The following PIMREG variants were observed in gnomAD, a reference collection of about 807,000 sequenced individuals.
The protein encoded by PIMREG is protein PIMREG.
A neutral mutation model predicts 24.3 loss-of-function variants in PIMREG; 19 were observed. The observed-to-expected ratio is 0.78, with a 90% CI of 0.54 to 1.15. The LOEUF is 1.15. Among genes scored for constraint, PIMREG ranks in the 50% most tolerant of loss-of-function variants. PIMREG has a pLI of 0.00. For missense variants in PIMREG, 283 were observed against 306.8 expected (o/e 0.92, Z 0.58); for synonymous variants, 112 against 124.1 (o/e 0.90, Z 0.65).
At chr17:6,448,266 G>A (rs538002250) in intron 3 of PIMREG, among the ~76,000 whole-genome samples, 54 of 81,474 alleles carry the variant, frequency 6.6e-4, no homozygotes, top group South Asian at 4.3e-4. Flanking sequence ...CAGGGCCACA[G>A]AGCCAGACCC....
At chr17:6,448,294 A>AAAAAAAAAT (rs1555549516) in intron 3 of PIMREG, among the ~76,000 whole-genome samples, 1 of 149,912 alleles carries the variant, frequency 6.7e-6, no homozygotes. Context: ...AAAAAAAAAA[A>AAAAAAAAAT]AAAAAAAAGA....
intron 3 of PIMREG, 113 bp downstream of exon 3, chr17:6,447,871 T>A (rs1597350639): frequency 1.7e-6 from 2 of 1,164,530 alleles, no homozygotes; most frequent in Middle Eastern, 2.9e-4. Context: ...TGGCACCCCC[T>A]GTGGCTACCT....
In PIMREG at chr17:6,445,281, AGCC is replaced by A; in HGVS notation, c.173_175del (p.Ala58del). On this transcript the variant is annotated inframe_deletion, in exon 2 of 6. Transcript: ENST00000572447. Reference sequence around the variant, plus strand: ...AGTTCCAAAGGAGGCTGCCCCTGAGAGCCGTCAACCTCAACCTCCGCGCAGGGC... The same window carrying A: ...AGTTCCAAAGGAGGCTGCCCCTGAGAGTCAACCTCAACCTCCGCGCAGGGC... The A allele has an allele frequency of 6.2e-7, 1 of 1,613,878 alleles. No individual in the cohort carries two copies. The highest frequency in any genetic ancestry group is 8.5e-7 in the Non-Finnish European group (1 of 1,179,954).
chr17:6,447,065 G>C (rs187688212), intron 2 of PIMREG, among the ~76,000 whole-genome samples: 1 of 151,744 alleles, frequency 6.6e-6, no homozygotes, highest in East Asian at 1.9e-4. Flanking sequence ...GGGGTTGCTT[G>C]TATGGTCTGG....
intron 5 of PIMREG, 67 bp from the exon 6 acceptor site, chr17:6,450,295 G>A: frequency 7.1e-7 from 1 of 1,399,962 alleles, no homozygotes. Flanking sequence ...ACCCCGCAGT[G>A]AGCAGGGAAA....
chr17:6,450,351 C>T lies in PIMREG; in HGVS notation c.*15-11C>T, dbSNP rs1368935775. 6.4e-7 allele frequency: 1 copy of T among 1,553,614 alleles called. No homozygotes were observed. Among genetic ancestry groups the T allele is most frequent in the African/African-American group, 1.4e-5 (1 of 73,878 alleles). ...CTTGAGCACAGTGAAAAAGGCAGCT[C>T]TGTCTTGAAGGAAACAAGCCCTGTC... On this transcript the variant is annotated splice_polypyrimidine_tract_variant and intron_variant, in intron 5 of 5. Coordinates refer to ENST00000572447, the MANE Select transcript of PIMREG (RefSeq NM_019013.3).
At chr17:6,447,855 G>T in intron 3 of PIMREG, 97 bp downstream of exon 3, 1 of 1,359,956 alleles carries the variant, frequency 7.4e-7, no homozygotes. Flanking sequence ...GGCCCTAGGG[G>T]TTTCTTGGCA....
rs967780821 is a variant in PIMREG at position 6,449,775 on chromosome 17, C to G, written c.687-253C>G. 3.5e-6 allele frequency: 5 copies of G among 1,412,448 alleles called. No individual in the cohort carries two copies. In the Admixed American group the frequency reaches 1.5e-4, roughly 41 times the overall value. 87.5% of individuals were successfully genotyped at this position (1,412,448 alleles called of 1,614,324 possible). A position where few individuals can be genotyped will look rare whatever the true frequency, so the allele number is the denominator to read the frequency against. ...AAAGCAACCTGACTGCTATGGAGTT[C>G]CTGGTCTGTCTGCTCATGGCCCCAT... On this transcript the variant is annotated intron_variant, in intron 4 of 5. Transcript: ENST00000572447.
intron 2 of PIMREG, among the ~76,000 whole-genome samples, chr17:6,446,389 G>A (rs185393896): frequency 6.8e-4 from 103 of 152,282 alleles, no homozygotes; most frequent in African/African-American, 2.3e-3. Flanking sequence ...GCTCTTTCTG[G>A]ACCCTCTGCA....
In PIMREG at chr17:6,450,674, C is replaced by T. The variant is rs1332780261; in HGVS notation, c.*327C>T. 4 of 457,118 alleles carry T rather than the reference C, an allele frequency of 8.8e-6. No individual in the cohort carries two copies. The highest frequency in any genetic ancestry group is 1.2e-5 in the Non-Finnish European group (3 of 259,766). The allele number at this position is 457,118 out of a possible 1,614,324, so 28.3% of individuals were successfully genotyped here. ...AGCCTTCTATTTGCCTCATCTATAA[C>T]ATGAAGTGCTAGCATCAGATATTTG... On this transcript the variant is annotated 3_prime_UTR_variant, in exon 6 of 6. Transcript: ENST00000572447.
In PIMREG at chr17:6,445,200, G is replaced by C. The variant is rs754516528; in HGVS notation, c.90G>C (p.Gln30His). 6.2e-7 allele frequency: 1 copy of C among 1,613,854 alleles called. No individual in the cohort carries two copies. The highest frequency in any genetic ancestry group is 8.5e-7 in the Non-Finnish European group (1 of 1,179,978). ...QEQLEDSKEL[Q>H]PVVSHQETSV... Reference sequence around the variant, plus strand: ...AGCTGGAGGACAGCAAGGAGCTGCAGCCTGTGGTCAGCCATCAGGAGACCT... The same window carrying C: ...AGCTGGAGGACAGCAAGGAGCTGCACCCTGTGGTCAGCCATCAGGAGACCT... The change falls in exon 2 of 6, where the codon CAG becomes CAC. Residue 30 changes from glutamine to histidine, a missense_variant. Coordinates refer to ENST00000572447, the MANE Select transcript of PIMREG (RefSeq NM_019013.3).
chr17:6,445,217 A>G lies in PIMREG; in HGVS notation c.107A>G (p.Gln36Arg). 1 of 1,613,772 alleles carries G rather than the reference A, an allele frequency of 6.2e-7. No homozygotes were observed. Among genetic ancestry groups the G allele is most frequent in the Middle Eastern group, 1.7e-4 (1 of 5,888 alleles). ...GAGCTGCAGCCTGTGGTCAGCCATC[A>G]GGAGACCTCTGTAGGGGCCCTGGGG... ...SKELQPVVSH[Q>R]ETSVGALGSL... Residue 36 changes from glutamine (Q) to arginine (R), a missense_variant, in exon 2 of 6, where the codon CAG becomes CGG. Transcript: ENST00000572447.
chr17:6,450,113 C>G, intron 5 of PIMREG, 41 bp downstream of exon 5: 1 of 1,596,980 alleles, frequency 6.3e-7, no homozygotes, highest in Non-Finnish European at 8.6e-7. Context: ...CTGTCCTTCT[C>G]CTCCATCTCA....
intron 2 of PIMREG, 36 bp from the exon 3 acceptor site, chr17:6,447,427 T>A: frequency 6.3e-7 from 1 of 1,593,294 alleles, no homozygotes; most frequent in South Asian, 1.1e-5. Context: ...AACTTTTGGT[T>A]TTGTCTGTGC....
At chr17:6,446,533 C>T (rs559136809) in intron 2 of PIMREG, among the ~76,000 whole-genome samples, 316 of 152,272 alleles carry the variant, frequency 2.1e-3, no homozygotes, top group South Asian at 3.7e-3. Flanking sequence ...TTGGGCTTCG[C>T]TCCAAACACT....
Position 6,445,229 on chromosome 17 carries a change from T to C in PIMREG, c.119T>C (p.Val40Ala), listed in dbSNP as rs749475836. ...GTGGTCAGCCATCAGGAGACCTCTG[T>C]AGGGGCCCTGGGGTCCCTGTGCAGA... The part of the protein sequence containing the change: ...QPVVSHQETS[V>A]GALGSLCRQF... The change falls in exon 2 of 6, where the codon GTA (valine) becomes GCA (alanine). Residue 40 changes from valine to alanine, a missense_variant. Transcript: ENST00000572447. 1.2e-6 allele frequency: 2 copies of C among 1,613,672 alleles called. No individual in the cohort carries two copies. Among genetic ancestry groups the C allele is most frequent in the Non-Finnish European group, 1.7e-6 (2 of 1,179,932 alleles).
intron 5 of PIMREG, 73 bp from the exon 6 acceptor site, chr17:6,450,289 C>A: frequency 1.5e-6 from 2 of 1,369,432 alleles, no homozygotes; most frequent in Non-Finnish European, 2.0e-6. Context: ...CCCCCCACCC[C>A]GCAGTGAGCA....
chr17:6,450,627 A>C lies in PIMREG; in HGVS notation c.*280A>C. The C allele has an allele frequency of 2.0e-6, 1 of 499,042 alleles. No individual in the cohort carries two copies. The highest frequency in any genetic ancestry group is 3.5e-6 in the Non-Finnish European group (1 of 283,964). 30.9% of individuals were successfully genotyped at this position (499,042 alleles called of 1,614,324 possible). On this transcript the variant is annotated 3_prime_UTR_variant, in exon 6 of 6. Transcript: ENST00000572447. The stretch of plus-strand genomic sequence containing the variant: ...TCCTAGGGGACTCTTGAGCTTAGAA[A>C]CTCATCGTACACTTGACCTTGAGCC...
At chr17:6,445,576 C>T (rs1015606110) in intron 2 of PIMREG, among the ~76,000 whole-genome samples, 172 bp downstream of exon 2, 5 of 152,184 alleles carry the variant, frequency 3.3e-5, no homozygotes, top group African/African-American at 1.2e-4. Flanking sequence ...AGGTGCTCAA[C>T]AAATAGTTGA....
Sources: gnomAD v4.1 joint callset for allele counts (sites outside exome capture counted in the v4.1 genomes callset) on GRCh38, gnomAD v4.1.1 for gene constraint, MANE v1.5 for transcripts, NCBI Gene and HGNC (gene_info 2026-07-23, HGNC 2026-07-21) for gene names.